Variants in SH3BGRL observed in about 807,000 individuals in gnomAD.
SH3BGRL encodes SH3 domain binding glutamate rich protein like, also known as adapter SH3BGRL.
A neutral mutation model predicts 9.8 loss-of-function variants in SH3BGRL; 7 were observed. The ratio of observed to expected loss-of-function variants is 0.72; its 90% confidence interval spans 0.41 to 1.35. The LOEUF (loss-of-function observed/expected upper bound fraction) is 1.35. Ranked by LOEUF, SH3BGRL falls within the 40% of genes most tolerant of loss-of-function variation. The pLI is 0.01. For synonymous variants in SH3BGRL, 36 were observed against 29.1 expected (o/e 1.24, Z -0.76); for missense variants, 73 against 84.4 (o/e 0.86, Z 0.53).
chrX:81,253,345 T>C (rs2075716467), intron 1 of SH3BGRL, among the ~76,000 whole-genome samples: 1 of 111,627 alleles, frequency 9.0e-6, no homozygotes, highest in African/African-American at 3.3e-5. Context: ...TGTTTTTTTC[T>C]GTTTGTTTGT....
chrX:81,203,470 TA>T (rs947584129), intron 1 of SH3BGRL, among the ~76,000 whole-genome samples: 3 of 111,582 alleles, frequency 2.7e-5, no homozygotes, highest in African/African-American at 6.5e-5. Context: ...AAGTTTAGGT[TA>T]AAAAAAAGAA....
chrX:81,292,893 A>T (rs2075862661), intron 3 of SH3BGRL, among the ~76,000 whole-genome samples: 1 of 111,844 alleles, frequency 8.9e-6, no homozygotes, highest in Non-Finnish European at 1.9e-5. Context: ...CACATAAAAT[A>T]CAATGACACT....
rs187741270 is a variant in SH3BGRL at position 81,259,978 on chromosome X, T to A, written c.46-17006T>A. The stretch of plus-strand genomic sequence containing the variant: ...AGATCCAGGAGGCTTTTATTGCTGC[T>A]GGCATGTTTCTTTGTTTCATTATCA... On this transcript the variant is annotated intron_variant, in intron 1 of 3. Coordinates refer to ENST00000373212, the MANE Select transcript of SH3BGRL (RefSeq NM_003022.3). 2.1e-4 allele frequency among the ~76,000 whole-genome samples: 23 copies of A among 111,927 alleles called. No individual in the cohort carries two copies. The East Asian group carries it at 6.2e-3, about 30-fold the overall frequency.
At chrX:81,266,049 G>T (rs756253171) in intron 1 of SH3BGRL, among the ~76,000 whole-genome samples, 19 of 111,681 alleles carry the variant, frequency 1.7e-4, no homozygotes, top group Non-Finnish European at 3.2e-4. Context: ...GCAGTTGTTT[G>T]CTTTTTTCTT....
intron 1 of SH3BGRL, among the ~76,000 whole-genome samples, chrX:81,209,563 G>C (rs778614255): frequency 9.0e-6 from 1 of 111,374 alleles, no homozygotes; most frequent in Non-Finnish European, 1.9e-5. Flanking sequence ...CTGGTTGTTC[G>C]GACTTCAGAA....
intron 3 of SH3BGRL, among the ~76,000 whole-genome samples, chrX:81,283,194 A>T (rs1418577197): frequency 8.9e-6 from 1 of 111,846 alleles, no homozygotes; most frequent in African/African-American, 3.2e-5. Flanking sequence ...TACCAACCAA[A>T]AAGTCCAGGA....
intron 1 of SH3BGRL, among the ~76,000 whole-genome samples, chrX:81,249,211 A>T (rs1272498141): frequency 8.9e-6 from 1 of 112,833 alleles, no homozygotes; most frequent in Admixed American, 9.3e-5. Context: ...TCAGCTCAAT[A>T]AATAGTTGTT....
intron 1 of SH3BGRL, among the ~76,000 whole-genome samples, chrX:81,245,133 T>C (rs948470298): frequency 8.9e-6 from 1 of 112,085 alleles, no homozygotes; most frequent in African/African-American, 3.2e-5. Flanking sequence ...AAAGCATCAA[T>C]AGAATAGATC....
chrX:81,293,733 A>G (rs1392433740), intron 3 of SH3BGRL, among the ~76,000 whole-genome samples: 1 of 111,997 alleles, frequency 8.9e-6, no homozygotes, highest in Non-Finnish European at 1.9e-5. Flanking sequence ...AGAGGTTGGA[A>G]CAGTTTGGAG....
Position 81,276,946 on chromosome X carries a change from G to A in SH3BGRL, c.46-38G>A, listed in dbSNP as rs200045513. 2.6e-4 allele frequency: 295 copies of A among 1,147,208 alleles called. No homozygotes were observed. The African/African-American group carries it at 4.9e-3, about 19-fold the overall frequency. 94.5% of individuals were successfully genotyped at this position (1,147,208 alleles called of 1,213,427 possible). On this transcript the variant is annotated intron_variant, in intron 1 of 3. Transcript: ENST00000373212. Reference sequence around the variant, plus strand: ...AGCTCACAAACATTTGACTTTTGTTGAATTTGGAAAATACGGTTTCTTGTC... The same window carrying A: ...AGCTCACAAACATTTGACTTTTGTTAAATTTGGAAAATACGGTTTCTTGTC...
chrX:81,283,273 A>G (rs1184954809), intron 3 of SH3BGRL, among the ~76,000 whole-genome samples: 5 of 111,751 alleles, frequency 4.5e-5, no homozygotes, highest in Non-Finnish European at 5.7e-5. Flanking sequence ...GTTGGACTCT[A>G]TTCCACAAGA....
chrX:81,208,994 A>G (rs1411358515), intron 1 of SH3BGRL, among the ~76,000 whole-genome samples: 2 of 96,105 alleles, frequency 2.1e-5, no homozygotes, highest in Non-Finnish European at 4.1e-5. Context: ...TTTCGTTAGC[A>G]TAACTAAGTT....
chrX:81,213,905 G>A (rs2075573516), intron 1 of SH3BGRL, among the ~76,000 whole-genome samples: 1 of 111,914 alleles, frequency 8.9e-6, no homozygotes, highest in Admixed American at 9.5e-5. Context: ...GATGGTGGAC[G>A]GAGAGTAGAT....
At chrX:81,214,861 A>G (rs1002905698) in intron 1 of SH3BGRL, among the ~76,000 whole-genome samples, 1 of 111,746 alleles carries the variant, frequency 8.9e-6, no homozygotes, top group Non-Finnish European at 1.9e-5. Context: ...TTTAGAACAT[A>G]TTGCTTTTTA....
intron 1 of SH3BGRL, among the ~76,000 whole-genome samples, chrX:81,253,519 C>T (rs895469423): frequency 9.0e-6 from 1 of 110,896 alleles, no homozygotes; most frequent in African/African-American, 3.3e-5. Context: ...TTGCCAGGCA[C>T]TTGATGGATT....
In SH3BGRL at chrX:81,277,074, C is replaced by T; in HGVS notation, c.136C>T (p.Arg46Trp). 2.5e-6 allele frequency: 3 copies of T among 1,206,453 alleles called. No homozygotes were observed. The highest frequency in any genetic ancestry group is 2.2e-6 in the Non-Finnish European group (2 of 892,503). ...AGATATTGCAGCCAATGAAGAGAAT[C>T]GGAAGTGGATGAGAGAAAATGTACC... ...EKDIAANEEN[R>W]KWMRENVPEN... Residue 46 changes from arginine to tryptophan, a missense_variant, in exon 2 of 4, where the codon CGG becomes TGG. Coordinates refer to ENST00000373212, the MANE Select transcript of SH3BGRL (RefSeq NM_003022.3).
intron 3 of SH3BGRL, among the ~76,000 whole-genome samples, chrX:81,294,491 T>C (rs775188108): frequency 9.1e-6 from 1 of 110,049 alleles, no homozygotes; most frequent in Admixed American, 9.7e-5. Flanking sequence ...AAGTCAAAAA[T>C]TGAGGTTTGG....
chrX:81,245,407 G>A (rs2075685201), intron 1 of SH3BGRL, among the ~76,000 whole-genome samples: 1 of 111,276 alleles, frequency 9.0e-6, no homozygotes, highest in Non-Finnish European at 1.9e-5. Context: ...AAATATATAG[G>A]TATGTATATA....
rs761423143 is a variant in SH3BGRL at position 81,208,875 on chromosome X, A to G, written c.45+6630A>G. ...TTTGCTTGAAATCTTGCAGATTGCC[A>G]GAACATCAGGCAAAAAATTCAAATA... On this transcript the variant is annotated intron_variant, in intron 1 of 3. Coordinates refer to ENST00000373212, the MANE Select transcript of SH3BGRL (RefSeq NM_003022.3). Among the ~76,000 whole-genome samples, 19 of 111,903 alleles carry G rather than the reference A, an allele frequency of 1.7e-4. No individual in the cohort carries two copies. In the East Asian group the frequency reaches 2.2e-3, roughly 13 times the overall value.
Sources: allele counts gnomAD v4.1 joint callset (sites outside exome capture counted in the v4.1 genomes callset), GRCh38; gene constraint gnomAD v4.1.1; transcripts MANE v1.5; gene names NCBI Gene and HGNC (gene_info 2026-07-23, HGNC 2026-07-21).